Variants in ZNF397 observed in about 807,000 individuals in gnomAD.
The protein encoded by ZNF397 is zinc finger protein 397, also known as zinc finger and SCAN domain-containing protein 15.
In ZNF397, 38 loss-of-function variants were observed where a neutral mutation model predicts 50.6. The observed-to-expected ratio is 0.75, with a 90% CI of 0.58 to 0.98. The LOEUF (loss-of-function observed/expected upper bound fraction) is 0.98. Ranked by LOEUF, ZNF397 falls within the 50% of genes least tolerant of loss-of-function variation. ZNF397 has a pLI of 0.00. For synonymous variants in ZNF397, 228 were observed against 215.2 expected, an observed-to-expected ratio of 1.06 and a Z score of -0.52; for missense variants, 624 against 624.1, an observed-to-expected ratio of 1.00 and a Z score of 0.00.
In ZNF397 at chr18:35,242,707, A is replaced by G. The variant is rs768929968; in HGVS notation, c.237A>G (p.Leu79=). The change falls in exon 2 of 4, where the codon CTA becomes CTG. Residue 79 remains leucine, a synonymous_variant. Transcript: ENST00000330501. ...SRLQELCYQW[L]MPELHTKEQI... ...TCCAGGAACTTTGCTATCAGTGGCT[A>G]ATGCCAGAGTTGCACACAAAGGAGC... 2.5e-6 allele frequency: 4 copies of G among 1,614,120 alleles called. No homozygotes were observed. The South Asian group carries it at 4.4e-5, about 18-fold the overall frequency.
chr18:35,246,124 A>G lies in ZNF397; in HGVS notation c.1419A>G (p.Arg473=), dbSNP rs2278463. 0.46 allele frequency: 713,339 copies of G among 1,552,054 alleles called. 167,301 individuals are homozygous for G. Among genetic ancestry groups the G allele is most frequent in the Non-Finnish European group, 0.48 (555,693 of 1,147,234 alleles). ...GCTCAAACCTTATCAGACATCAGAG[A>G]ATTCATAGTGGGGAGGAACCTTATC... is the stretch of plus-strand genomic sequence containing the variant. ...SLSSNLIRHQ[R]IHSGEEPYQC... The change falls in exon 4 of 4, where the codon AGA becomes AGG. Residue 473 remains arginine (R), a synonymous_variant. Transcript: ENST00000330501.
In ZNF397 at chr18:35,256,035, A is replaced by C. The variant is rs563979412; in HGVS notation, c.817+1633A>C. On this transcript the variant is annotated intron_variant, in intron 5 of 5. Coordinates refer to the ZNF397 transcript ENST00000261333. ...AATATAATTGTGTAGGGACAAAATT[A>C]AGGGCAATGAAAATTAGAAAAGCAA... Among the ~76,000 whole-genome samples the C allele has an allele frequency of 2.0e-5, 3 of 152,042 alleles. No individual in the cohort carries two copies. The South Asian group carries it at 6.2e-4, about 32-fold the overall frequency.
At chr18:35,241,556 A>G (rs1912502753) in intron 1 of ZNF397, 1 of 152,250 alleles carries the variant, frequency 6.6e-6, no homozygotes, top group Non-Finnish European at 1.5e-5. Context: ...GTGTCACAAC[A>G]TTTAATACCT....
downstream of ZNF397, chr18:35,253,786 C>T (rs1416126916): frequency 3.1e-6 from 5 of 1,614,148 alleles, no homozygotes; most frequent in Non-Finnish European, 4.2e-6. Context: ...ATTCATAAGG[C>T]TTCTCTCCAG....
Position 35,245,954 on chromosome 18 carries a change from C to T in ZNF397, c.1249C>T (p.Arg417Ter), listed in dbSNP as rs1316222563. The T allele has an allele frequency of 1.9e-6, 3 of 1,580,810 alleles. No homozygotes were observed. The highest frequency in any genetic ancestry group is 1.7e-6 in the Non-Finnish European group (2 of 1,163,196). The stretch of plus-strand genomic sequence containing the variant: ...GAGCTCAAAACTCATTAGACATCAG[C>T]GAATTCACACAGGAGAGAGACCCTA... ...SQSSKLIRHQ[R>*]IHTGERPYEC... is the part of the protein sequence containing the mutation. Residue 417 changes from arginine (R) to a stop codon, truncating the protein, a stop_gained, in exon 4 of 4, where the codon CGA (arginine) becomes TGA (stop). Coordinates refer to ENST00000330501, the MANE Select transcript of ZNF397 (RefSeq NM_001135178.3). LOFTEE classifies it high-confidence loss of function.
chr18:35,243,616 G>T, intron 3 of ZNF397: 1 of 582,342 alleles, frequency 1.7e-6, no homozygotes, highest in East Asian at 2.9e-5. Context: ...CAGTTGCAAT[G>T]TAGTAAATTA....
chr18:35,253,905 G>A (rs752734701), downstream of ZNF397: 8 of 1,614,112 alleles, frequency 5.0e-6, no homozygotes, highest in Non-Finnish European at 6.8e-6. Context: ...TGTCTAACAA[G>A]GTCTGAGCTC....
chr18:35,258,292 G>A (rs1476888521), exon 6 of ZNF397: 1 of 329,172 alleles, frequency 3.0e-6, no homozygotes, highest in African/African-American at 2.1e-5. Flanking sequence ...TAAGTCCAAG[G>A]ACATTGGAGA....
At chr18:35,254,624 A>G (rs2043728785), downstream of ZNF397, 1 of 631,894 alleles carries the variant, frequency 1.6e-6, no homozygotes, top group African/African-American at 1.8e-5. Flanking sequence ...ACAAGGAAAG[A>G]CATTAGTTAG....
Position 35,243,196 on chromosome 18 carries a change from A to T in ZNF397, c.459A>T (p.Leu153Phe). Residue 153 changes from leucine to phenylalanine, a missense_variant, in exon 3 of 4, where the codon TTA becomes TTT. By Grantham distance (22) the Leu-to-Phe change is conservative. Coordinates refer to ENST00000330501, the MANE Select transcript of ZNF397 (RefSeq NM_001135178.3). Reference sequence around the variant, plus strand: ...GACCAGCAGTGCCATGGAAGGATTTAACATGTCTCAGAGCATCCCAAGAGT... The same window carrying T: ...GACCAGCAGTGCCATGGAAGGATTTTACATGTCTCAGAGCATCCCAAGAGT... ...PQGPAVPWKD[L>F]TCLRASQEST... is the part of the protein sequence containing the mutation. The T allele has an allele frequency of 6.2e-7, 1 of 1,614,242 alleles. No individual in the cohort carries two copies. Among genetic ancestry groups the T allele is most frequent in the Non-Finnish European group, 8.5e-7 (1 of 1,180,046 alleles).
Position 35,245,519 on chromosome 18 carries a change from T to G in ZNF397, c.814T>G (p.Ser272Ala). 1 of 1,552,406 alleles carries G rather than the reference T, an allele frequency of 6.4e-7. No homozygotes were observed. Among genetic ancestry groups the G allele is most frequent in the East Asian group, 2.4e-5 (1 of 40,920 alleles). ...AERCLILTTDSIMCQKVPPEE... is the reference protein window; with the variant it reads ...AERCLILTTDAIMCQKVPPEE... ...AAGATGCTTGATTCTAACTACAGAC[T>G]CTATAATGTGTCAGAAAGTTCCTCC... Residue 272 changes from serine (S) to alanine (A), a missense_variant, in exon 4 of 4, where the codon TCT (serine) becomes GCT (alanine). Transcript: ENST00000330501.
At chr18:35,249,934 T>C (rs1474632850), downstream of ZNF397, 1 of 152,076 alleles carries the variant, frequency 6.6e-6, no homozygotes, top group Admixed American at 6.6e-5. Flanking sequence ...GGGGCAAGAG[T>C]GAATGGAATC....
At chr18:35,243,102 G>C (rs374890872) in intron 2 of ZNF397, 50 bp from the exon 3 acceptor site, 7 of 1,610,206 alleles carry the variant, frequency 4.3e-6, no homozygotes, top group African/African-American at 4.0e-5. Flanking sequence ...TACTAAGCAA[G>C]TTTTCTTAGG....
chr18:35,255,705 T>A (rs1268926505), intron 5 of ZNF397: 1 of 154,366 alleles, frequency 6.5e-6, no homozygotes, highest in East Asian at 1.9e-4. Flanking sequence ...CCACAATTGA[T>A]ACCTGATCAA....
exon 6 of ZNF397, chr18:35,258,079 A>G: frequency 1.3e-6 from 1 of 751,552 alleles, no homozygotes; most frequent in South Asian, 1.4e-5. Flanking sequence ...GACTCTTACA[A>G]TCATATCACA....
downstream of ZNF397, chr18:35,254,176 C>T: frequency 1.2e-6 from 2 of 1,614,136 alleles, no homozygotes; most frequent in Non-Finnish European, 1.7e-6. Flanking sequence ...AATGTCTGTC[C>T]TGGGAAGGAA....
At position 35,245,537 on chromosome 18, in the gene ZNF397, G is replaced by A; in HGVS notation, c.832G>A (p.Val278Ile). Residue 278 changes from valine to isoleucine, a missense_variant, in exon 4 of 4, where the codon GTT (valine) becomes ATT (isoleucine). Physicochemically the swap from Val to Ile is conservative, Grantham distance 29. Coordinates refer to ENST00000330501, the MANE Select transcript of ZNF397 (RefSeq NM_001135178.3). The part of the protein sequence containing the change: ...LTTDSIMCQK[V>I]PPEERPYRCD... ...TACAGACTCTATAATGTGTCAGAAAGTTCCTCCAGAAGAGAGACCTTATAG... is the reference window on the plus strand; with the variant it reads ...TACAGACTCTATAATGTGTCAGAAAATTCCTCCAGAAGAGAGACCTTATAG... The A allele has an allele frequency of 3.2e-6, 5 of 1,552,440 alleles. No individual in the cohort carries two copies. The South Asian group carries it at 3.6e-5, about 11-fold the overall frequency.
At chr18:35,253,667 C>T (rs547472221), downstream of ZNF397, 40 of 1,614,142 alleles carry the variant, frequency 2.5e-5, no homozygotes, top group East Asian at 1.3e-4. Context: ...AGAACTCCTA[C>T]CAAAAGCCTT....
chr18:35,241,811 C>T (rs1340946620), intron 1 of ZNF397: 1 of 152,170 alleles, frequency 6.6e-6, no homozygotes, highest in East Asian at 1.9e-4. Context: ...ATTCGGTAAA[C>T]ACCAAATGCG....
Sources: gnomAD v4.1 joint callset for allele counts (sites outside exome capture counted in the v4.1 genomes callset) on GRCh38, gnomAD v4.1.1 for gene constraint, MANE v1.5 for transcripts, NCBI Gene and HGNC (gene_info 2026-07-23, HGNC 2026-07-21) for gene names.